The following ROS1 variants were observed in gnomAD, a reference collection of about 807,000 sequenced individuals.
ROS1 encodes the protein ROS proto-oncogene 1, receptor tyrosine kinase, also known as proto-oncogene tyrosine-protein kinase ROS.
In ROS1, 263 loss-of-function variants were observed where a neutral mutation model predicts 273.5. That is an observed-to-expected ratio of 0.96 (90% CI 0.87 to 1.06). ROS1 has a LOEUF of 1.06. Among genes scored for constraint, ROS1 ranks in the 50% least tolerant of loss-of-function variants. The pLI is 0.00. For synonymous variants in ROS1, 1,008 were observed against 954.1 expected (o/e 1.06, Z -1.04); for missense variants, 2,833 against 2,751.1 (o/e 1.03, Z -0.67).
intron 39 of ROS1, among the ~76,000 whole-genome samples, chr6:117,315,926 G>A (rs142228200): frequency 3.1e-4 from 47 of 152,202 alleles, no homozygotes; most frequent in African/African-American, 1.1e-3. Context: ...TTCAGTTGGG[G>A]AGTTTACGTA....
intron 24 of ROS1, among the ~76,000 whole-genome samples, chr6:117,359,422 A>G (rs1287278346): frequency 6.6e-6 from 1 of 152,190 alleles, no homozygotes; most frequent in Non-Finnish European, 1.5e-5. Flanking sequence ...AGTGGTCACA[A>G]ATCTAGTAAG....
chr6:117,421,384 T>C (rs1228200617), intron 1 of ROS1, among the ~76,000 whole-genome samples: 3 of 151,810 alleles, frequency 2.0e-5, no homozygotes, highest in Non-Finnish European at 4.4e-5. Flanking sequence ...GTACCCAACA[T>C]GTAGTTTTTC....
Position 117,387,890 on chromosome 6 carries a change from T to C in ROS1, c.1889A>G (p.Asn630Ser), listed in dbSNP as rs2128700765. Residue 630 changes from asparagine (N) to serine (S), a missense_variant, in exon 14 of 44, where the codon AAT becomes AGT. By Grantham distance (46) the Asn-to-Ser change is conservative. Transcript: ENST00000368507. ...IFLNISGTML[N>S]VPELQSAMKY... The stretch of plus-strand genomic sequence containing the variant: ...CATAGCACTCTGCAGCTCAGGTACA[T>C]TCAGCATGGTTCCACTTATGTTCAA... The C allele has an allele frequency of 6.2e-7, 1 of 1,614,198 alleles. No individual in the cohort carries two copies. The highest frequency in any genetic ancestry group is 1.3e-5 in the African/African-American group (1 of 75,052).
intron 2 of ROS1, among the ~76,000 whole-genome samples, chr6:117,417,912 T>G (rs536115684): frequency 3.9e-5 from 6 of 152,248 alleles, no homozygotes; most frequent in African/African-American, 1.4e-4. Context: ...ACCACAATTC[T>G]GGTTCTGATG....
chr6:117,310,162 C>T lies in ROS1; in HGVS notation c.6335G>A (p.Arg2112Lys). The T allele has an allele frequency of 6.2e-7, 1 of 1,613,522 alleles. No homozygotes were observed. Among genetic ancestry groups the T allele is most frequent in the Non-Finnish European group, 8.5e-7 (1 of 1,179,666 alleles). Residue 2112 changes from arginine (R) to lysine (K), a missense_variant, in exon 41 of 44, where the codon AGA (arginine) becomes AAA (lysine). Coordinates refer to ENST00000368507, the MANE Select transcript of ROS1 (RefSeq NM_001378902.1). ...DIYKNDYYRK[R>K]GEGLLPVRWM... The stretch of plus-strand genomic sequence containing the variant: ...CCGAACTGGGAGCAGGCCTTCCCCT[C>T]TCTTTCTATAGTAATCATTTTTATA...
intron 34 of ROS1, 38 bp downstream of exon 34, chr6:117,326,186 G>A (rs755330736): frequency 7.8e-7 from 1 of 1,282,242 alleles, no homozygotes; most frequent in Admixed American, 2.6e-5. Flanking sequence ...TGAACCTTTA[G>A]GTAATAAGCT....
At chr6:117,295,528 A>G (rs938666524) in intron 43 of ROS1, among the ~76,000 whole-genome samples, 1 of 152,190 alleles carries the variant, frequency 6.6e-6, no homozygotes, top group African/African-American at 2.4e-5. Flanking sequence ...ACAGCAAAGG[A>G]AACAATCAAC....
In ROS1 at chr6:117,389,859, CA is replaced by C. The variant is rs773037298; in HGVS notation, c.1290-14del. 3 of 1,591,516 alleles carry C rather than the reference CA, an allele frequency of 1.9e-6. No individual in the cohort carries two copies. Among genetic ancestry groups the C allele is most frequent in the Non-Finnish European group, 2.6e-6 (3 of 1,166,030 alleles). ...GTAAAAGACATACCTGACACAGGAA[CA>C]AAAGAAACCTCATGAGATTCAGTCC... is the stretch of plus-strand genomic sequence containing the variant. On this transcript the variant is annotated splice_polypyrimidine_tract_variant and intron_variant, in intron 12 of 43. Transcript: ENST00000368507.
intron 5 of ROS1, among the ~76,000 whole-genome samples, chr6:117,409,297 T>C (rs1012190041): frequency 6.6e-6 from 1 of 152,140 alleles, no homozygotes; most frequent in Non-Finnish European, 1.5e-5. Flanking sequence ...CATTTGTCTG[T>C]CATTAAGAGA....
At chr6:117,360,033 G>A (rs1461522769) in intron 23 of ROS1, 22 bp from the exon 24 acceptor site, 1 of 1,586,452 alleles carries the variant, frequency 6.3e-7, no homozygotes, top group Non-Finnish European at 8.6e-7. Context: ...AAAACATGTA[G>A]ATAATATGCA....
chr6:117,291,079 T>C (rs568459207), intron 43 of ROS1, among the ~76,000 whole-genome samples: 1 of 152,356 alleles, frequency 6.6e-6, no homozygotes, highest in Admixed American at 6.5e-5. Flanking sequence ...GTTTTTTCTC[T>C]CTTCCCTGCC....
At chr6:117,346,439 C>T (rs917472475) in intron 27 of ROS1, among the ~76,000 whole-genome samples, 1 of 151,698 alleles carries the variant, frequency 6.6e-6, no homozygotes, top group African/African-American at 2.4e-5. Context: ...ATTAATCATA[C>T]TCTTAATGAG....
intron 32 of ROS1, among the ~76,000 whole-genome samples, chr6:117,335,350 T>C (rs530320460): frequency 3.9e-5 from 6 of 152,092 alleles, no homozygotes; most frequent in Admixed American, 1.3e-4. Context: ...TAGATGCTGA[T>C]GAGGGTGTGG....
chr6:117,339,500 C>T (rs964534843), intron 31 of ROS1, among the ~76,000 whole-genome samples: 2 of 152,076 alleles, frequency 1.3e-5, no homozygotes, highest in African/African-American at 4.8e-5. Flanking sequence ...TATGCAGTTA[C>T]GGTATTATTT....
At chr6:117,297,194 C>T (rs922981074) in intron 43 of ROS1, among the ~76,000 whole-genome samples, 1 of 152,032 alleles carries the variant, frequency 6.6e-6, no homozygotes, top group Admixed American at 6.6e-5. Context: ...GACCCTTACC[C>T]TCACCATATA....
Position 117,301,227 on chromosome 6 carries a change from C to CT in ROS1, c.6552-91dup, listed in dbSNP as rs1655742452. On this transcript the variant is annotated intron_variant, in intron 42 of 43. Coordinates refer to ENST00000368507, the MANE Select transcript of ROS1 (RefSeq NM_001378902.1). The stretch of plus-strand genomic sequence containing the variant: ...AGGGTCATTTTAGAAAGGAAAGAAT[C>CT]TGAGTTATTGCCAGTTTTCCTTAAT... The CT allele has an allele frequency of 3.1e-5, 35 of 1,124,466 alleles. No homozygotes were observed. In the South Asian group the frequency reaches 5.7e-4, roughly 18 times the overall value. 69.7% of individuals were successfully genotyped at this position (1,124,466 alleles called of 1,614,324 possible).
At chr6:117,315,947 A>G (rs921113798) in intron 39 of ROS1, among the ~76,000 whole-genome samples, 4 of 152,212 alleles carry the variant, frequency 2.6e-5, no homozygotes, top group African/African-American at 7.2e-5. Context: ...TATAAAAACT[A>G]AAATGAAAAC....
chr6:117,288,472 CTA>C lies in ROS1; in HGVS notation c.*18_*19del, dbSNP rs750341252. 117 of 1,587,168 alleles carry C rather than the reference CTA, an allele frequency of 7.4e-5. No homozygotes were observed. Among genetic ancestry groups the C allele is most frequent in the Non-Finnish European group, 9.9e-5 (116 of 1,167,286 alleles). ...GAATGAGAGTGTTTATCTCAACTCT[CTA>C]TTTCCCAAACAACGCTATTAATCAG... On this transcript the variant is annotated 3_prime_UTR_variant, in exon 44 of 44. Transcript: ENST00000368507.
intron 39 of ROS1, among the ~76,000 whole-genome samples, chr6:117,314,621 A>T (rs1193464528): frequency 6.6e-6 from 1 of 152,210 alleles, no homozygotes; most frequent in Non-Finnish European, 1.5e-5. Flanking sequence ...ACTACCAGTC[A>T]CACTGAGGCA....
Sources: gnomAD v4.1 joint callset for allele counts (sites outside exome capture counted in the v4.1 genomes callset) on GRCh38, gnomAD v4.1.1 for gene constraint, MANE v1.5 for transcripts, NCBI Gene and HGNC (gene_info 2026-07-23, HGNC 2026-07-21) for gene names.